OTUD7A: variants seen among roughly 807,000 people sequenced by gnomAD.
The protein encoded by OTUD7A is OTU deubiquitinase 7A, also known as OTU domain-containing protein 7A.
Under a neutral mutation model 65.7 loss-of-function variants are expected in OTUD7A, and 12 were observed. That is an observed-to-expected ratio of 0.18 (90% CI 0.12 to 0.30). The LOEUF (loss-of-function observed/expected upper bound fraction) is 0.30, where lower values mean the gene tolerates loss of function less well. OTUD7A is among the 10% of genes least tolerant of loss of function. The pLI is 1.00. For synonymous variants in OTUD7A, 641 were observed against 586.3 expected (o/e 1.09, Z -1.35); for missense variants, 1,148 against 1,304.8 (o/e 0.88, Z 1.85).
intron 3 of OTUD7A, among the ~76,000 whole-genome samples, chr15:31,641,693 T>C (rs1345916711): frequency 6.6e-6 from 1 of 152,218 alleles, no homozygotes. Flanking sequence ...ATTTTTAAAA[T>C]TTATTTTAAA....
intron 5 of OTUD7A, among the ~76,000 whole-genome samples, chr15:31,538,398 T>C (rs1375039321): frequency 6.6e-6 from 1 of 152,216 alleles, no homozygotes; most frequent in Non-Finnish European, 1.5e-5. Context: ...TCCTGCTGGC[T>C]GGGTTAGTGT....
chr15:31,591,829 G>A (rs761880166), intron 3 of OTUD7A, among the ~76,000 whole-genome samples: 8 of 152,124 alleles, frequency 5.3e-5, no homozygotes, highest in Non-Finnish European at 1.0e-4. Context: ...TTGTGCGAAC[G>A]AACATCACCA....
chr15:31,601,875 A>G (rs1240724646), intron 3 of OTUD7A, among the ~76,000 whole-genome samples: 1 of 152,218 alleles, frequency 6.6e-6, no homozygotes, highest in Non-Finnish European at 1.5e-5. Flanking sequence ...AAATTCCTGG[A>G]CATATACACC....
intron 3 of OTUD7A, among the ~76,000 whole-genome samples, chr15:31,636,785 C>T (rs1177646428): frequency 6.6e-6 from 1 of 152,176 alleles, no homozygotes; most frequent in Non-Finnish European, 1.5e-5. Flanking sequence ...GAGAAAGTTT[C>T]AGTGGTCTGT....
intron 1 of OTUD7A, among the ~76,000 whole-genome samples, chr15:31,735,328 C>T (rs1894158360): frequency 6.6e-6 from 1 of 152,044 alleles, no homozygotes; most frequent in African/African-American, 2.4e-5. Context: ...GGGTTCAAGA[C>T]CAGCCTGGCC....
intron 5 of OTUD7A, chr15:31,555,982 C>T (rs1248320802): frequency 2.0e-5 from 3 of 152,170 alleles, no homozygotes; most frequent in Admixed American, 1.3e-4. Flanking sequence ...GCTGGGACCA[C>T]AGGCGTGCAC....
In OTUD7A at chr15:31,487,207, G is replaced by A. The variant is rs1428104635; in HGVS notation, c.1358C>T (p.Pro453Leu). 6.2e-7 allele frequency: 1 copy of A among 1,613,898 alleles called. No homozygotes were observed. The highest frequency in any genetic ancestry group is 1.7e-5 in the Admixed American group (1 of 60,024). ...SYMNVTWIRI[P>L]SETRAPLAQP... is the part of the protein sequence containing the mutation. ...AGCCAGGCTCACCCGTGTCTCGGAG[G>A]GGATCCGGATCCACGTCACGTTCAT... Residue 453 changes from proline to leucine, a missense_variant, in exon 12 of 13, where the codon CCC becomes CTC. By Grantham distance (98) the Pro-to-Leu change is moderately conservative. Around this residue, in one of 6 missense-constraint regions of OTUD7A, gnomAD observed 842 missense variants for 769.5 expected, o/e 1.09. Transcript: ENST00000307050. The surrounding 1 kb of genome is among the most constrained non-coding windows in gnomAD (Gnocchi z 6.0).
intron 1 of OTUD7A, among the ~76,000 whole-genome samples, chr15:31,671,228 C>T (rs901501263): frequency 1.6e-4 from 25 of 152,064 alleles, no homozygotes; most frequent in Admixed American, 6.6e-5. Flanking sequence ...ATCTTTAATC[C>T]ATCTTGAGTT....
intron 3 of OTUD7A, among the ~76,000 whole-genome samples, chr15:31,632,918 C>T (rs1164166398): frequency 7.9e-5 from 12 of 152,242 alleles, no homozygotes; most frequent in East Asian, 3.9e-4. Context: ...TAGGACCCTC[C>T]GAGCCAGATG....
Position 31,483,405 on chromosome 15 carries a change from G to T in OTUD7A, c.2691C>A (p.Cys897Ter). ...CGTAGAACGCACAGTTCTCGCGCTG[G>T]CAGCGCCGCTGCACCGGCCCCGGGC... ...RGGPGPVQRR[C>*]QRENCAFYGR... Residue 897 changes from cysteine (C) to a stop codon, truncating the protein, a stop_gained, in exon 13 of 13, where the codon TGC becomes TGA. Transcript: ENST00000307050. LOFTEE classifies it high-confidence loss of function. 1 of 1,350,574 alleles carries T rather than the reference G, an allele frequency of 7.4e-7. No individual in the cohort carries two copies. The highest frequency in any genetic ancestry group is 9.5e-7 in the Non-Finnish European group (1 of 1,050,068). The allele number at this position is 1,350,574 out of a possible 1,614,324, so 83.7% of individuals were successfully genotyped here.
At chr15:31,734,430 A>T (rs1894129879) in intron 1 of OTUD7A, among the ~76,000 whole-genome samples, 2 of 152,244 alleles carry the variant, frequency 1.3e-5, no homozygotes, top group South Asian at 4.1e-4. Context: ...GAACCAAAAA[A>T]GAGCCTGAAT....
chr15:31,517,892 T>C (rs1364103369), intron 8 of OTUD7A, among the ~76,000 whole-genome samples: 1 of 151,922 alleles, frequency 6.6e-6, no homozygotes, highest in Non-Finnish European at 1.5e-5. Context: ...CAAGAGCGCG[T>C]GTCATAGATA....
At chr15:31,535,164 T>A (rs762730396) in intron 5 of OTUD7A, among the ~76,000 whole-genome samples, 3 of 152,238 alleles carry the variant, frequency 2.0e-5, no homozygotes, top group African/African-American at 7.2e-5. Context: ...AAATCTCATC[T>A]TGAATTGTAA....
intron 3 of OTUD7A, among the ~76,000 whole-genome samples, chr15:31,632,505 T>C (rs1430632930): frequency 6.6e-6 from 1 of 152,182 alleles, no homozygotes; most frequent in Admixed American, 6.5e-5. Flanking sequence ...GAGGAGTACC[T>C]GGCCGTGTGA....
At chr15:31,722,068 G>T (rs2654030) in intron 1 of OTUD7A, among the ~76,000 whole-genome samples, 5 of 152,222 alleles carry the variant, frequency 3.3e-5, no homozygotes, top group African/African-American at 4.8e-5. Flanking sequence ...TGCCATGAAG[G>T]CACAGTGGCA....
intron 1 of OTUD7A, among the ~76,000 whole-genome samples, chr15:31,820,328 G>C (rs1316535198): frequency 6.6e-6 from 1 of 152,176 alleles, no homozygotes; most frequent in Non-Finnish European, 1.5e-5. Context: ...AAAGTTTCAA[G>C]TAATAAAGTC....
intron 3 of OTUD7A, among the ~76,000 whole-genome samples, chr15:31,635,389 T>G (rs1891308499): frequency 6.6e-6 from 1 of 152,152 alleles, no homozygotes; most frequent in South Asian, 2.1e-4. Flanking sequence ...GCACAGTAAA[T>G]TAGTAAGACC....
In OTUD7A at chr15:31,753,716, ATATAT is replaced by A. The variant is rs1567005001; in HGVS notation, c.-99-96644_-99-96640del. The stretch of plus-strand genomic sequence containing the variant: ...ATATATATATATTATATATATATAT[ATATAT>A]TATATATATATATATATATCTCACA... On this transcript the variant is annotated intron_variant, in intron 1 of 12. Coordinates refer to ENST00000307050, the MANE Select transcript of OTUD7A (RefSeq NM_001382637.1). 4.4e-4 allele frequency among the ~76,000 whole-genome samples: 49 copies of A among 111,322 alleles called. 2 individuals carry two copies. Among genetic ancestry groups the A allele is most frequent in the African/African-American group, 2.4e-3 (49 of 20,396 alleles). 73.0% of individuals were successfully genotyped at this position (111,322 alleles called of 152,430 possible). A position where few individuals can be genotyped will look rare whatever the true frequency, so the allele number is the denominator to read the frequency against.
rs990565539 is a variant in OTUD7A, at chr15:31,767,334, T to C, written c.-100+103173A>G. 17 of 778,688 alleles carry C rather than the reference T, an allele frequency of 2.2e-5. No homozygotes were observed. The African/African-American group carries it at 2.9e-4, about 13-fold the overall frequency. 48.2% of individuals were successfully genotyped at this position (778,688 alleles called of 1,614,324 possible). On this transcript the variant is annotated intron_variant, in intron 1 of 12. Transcript: ENST00000307050. ...CAAAATGTTCACAAGTAATTCGTAA[T>C]ATTCAAAAGTAAGTAGAGGTTCAGG... is the stretch of plus-strand genomic sequence containing the variant.
Sources: gnomAD v4.1 joint callset for allele counts (sites outside exome capture counted in the v4.1 genomes callset) on GRCh38, gnomAD v4.1.1 for gene constraint, gnomAD v4.1.1 regional missense constraint, Gnocchi (gnomAD v3.1) non-coding constraint, MANE v1.5 for transcripts, NCBI Gene and HGNC (gene_info 2026-07-23, HGNC 2026-07-21) for gene names.